The following ERBB4 variants were observed in gnomAD, a reference collection of about 807,000 sequenced individuals.
The protein encoded by ERBB4 is erb-b2 receptor tyrosine kinase 4, also known as receptor tyrosine-protein kinase erbB-4.
ERBB4 carries 42 observed loss-of-function variants against 158.0 expected under a neutral mutation model. The ratio of observed to expected loss-of-function variants is 0.27; its 90% CI spans 0.21 to 0.34. The LOEUF (loss-of-function observed/expected upper bound fraction) is 0.34. ERBB4 is among the 10% of genes least tolerant of loss of function. The pLI is 1.00. For missense variants in ERBB4, 1,333 were observed against 1,624.1 expected (o/e 0.82, Z 3.08); for synonymous variants, 583 against 558.7 (o/e 1.04, Z -0.61).
intron 1 of ERBB4, among the ~76,000 whole-genome samples, chr2:212,482,888 C>T (rs1469635980): frequency 2.0e-5 from 3 of 152,230 alleles, no homozygotes; most frequent in Non-Finnish European, 4.4e-5. Flanking sequence ...TCCCAAAGTG[C>T]TGGGACTACA....
rs1429759796 is a variant in ERBB4 at position 211,399,429 on chromosome 2, C to A, written c.3136-11437G>T. ...AAAAATCTCAGTGACTCCATCAAGC[C>A]AGTTGGATAAGTTTTAAAAGATGTG... On this transcript the variant is annotated intron_variant, in intron 25 of 27. Coordinates refer to ENST00000342788, the MANE Select transcript of ERBB4 (RefSeq NM_005235.3). Among the ~76,000 whole-genome samples the A allele has an allele frequency of 3.3e-5, 5 of 152,148 alleles. No homozygotes were observed. The East Asian group carries it at 9.6e-4, about 29-fold the overall frequency.
intron 1 of ERBB4, among the ~76,000 whole-genome samples, chr2:212,189,388 T>G (rs1186199251): frequency 6.6e-6 from 1 of 152,210 alleles, no homozygotes; most frequent in Non-Finnish European, 1.5e-5. Flanking sequence ...CCATCACTAA[T>G]TATTCCTGGT....
intron 25 of ERBB4, among the ~76,000 whole-genome samples, chr2:211,399,632 T>TTCC (rs1161633178): frequency 6.6e-6 from 1 of 152,042 alleles, no homozygotes; most frequent in Non-Finnish European, 1.5e-5. Flanking sequence ...AATGGCAAAG[T>TTCC]TTTTTAAAAG....
At chr2:212,493,788 T>G (rs972306021) in intron 1 of ERBB4, among the ~76,000 whole-genome samples, 1 of 151,782 alleles carries the variant, frequency 6.6e-6, no homozygotes, top group African/African-American at 2.4e-5. Flanking sequence ...TTACAAAATG[T>G]GATTTTAAGT....
chr2:212,093,870 GA>G (rs1038422387), intron 2 of ERBB4, among the ~76,000 whole-genome samples: 34 of 151,766 alleles, frequency 2.2e-4, no homozygotes, highest in Non-Finnish European at 3.5e-4. Flanking sequence ...TGACACATCA[GA>G]AAAAAATAAG....
At chr2:211,741,996 T>C (rs532840345) in intron 5 of ERBB4, among the ~76,000 whole-genome samples, 119 of 152,324 alleles carry the variant, frequency 7.8e-4, no homozygotes, top group Middle Eastern at 3.4e-3. Flanking sequence ...AATTTTACAA[T>C]ATCTCCAGAA....
chr2:211,989,308 T>C (rs1463309245), intron 2 of ERBB4, among the ~76,000 whole-genome samples: 1 of 151,956 alleles, frequency 6.6e-6, no homozygotes, highest in Non-Finnish European at 1.5e-5. Flanking sequence ...GCATTTGTTA[T>C]TTTCTCCTTC....
intron 5 of ERBB4, among the ~76,000 whole-genome samples, chr2:211,749,270 G>A (rs755033403): frequency 6.6e-6 from 1 of 152,048 alleles, no homozygotes; most frequent in Non-Finnish European, 1.5e-5. Context: ...AAATCCACAT[G>A]TCTATGACCC....
Position 211,562,024 on chromosome 2 carries a change from C to T in ERBB4, c.2366G>A (p.Ser789Asn), listed in dbSNP as rs1340739738. The T allele has an allele frequency of 6.2e-7, 1 of 1,614,106 alleles. No individual in the cohort carries two copies. Among genetic ancestry groups the T allele is most frequent in the Admixed American group, 1.7e-5 (1 of 60,012 alleles). ...HLVRLLGVCL[S>N]PTIQLVTQLM... The stretch of plus-strand genomic sequence containing the variant: ...TTGAGTAACCAGCTGGATGGTTGGG[C>T]TCAGACACACACCCAGCAACCGGAC... Residue 789 changes from serine to asparagine, a missense_variant, in exon 20 of 28, where the codon AGC becomes AAC. Transcript: ENST00000342788.
intron 20 of ERBB4, among the ~76,000 whole-genome samples, chr2:211,475,595 C>T (rs554474655): frequency 1.1e-3 from 166 of 152,062 alleles, no homozygotes; most frequent in African/African-American, 3.8e-3. Flanking sequence ...TACCAACTAC[C>T]GTATAACCTC....
chr2:212,043,234 T>C (rs192509331), intron 2 of ERBB4, among the ~76,000 whole-genome samples: 83 of 152,308 alleles, frequency 5.4e-4, no homozygotes, highest in Admixed American at 4.7e-3. Flanking sequence ...AGTCCTTAAC[T>C]GTGATTTGAT....
chr2:212,384,904 TATATATATATATATATAC>T (rs1305369708), intron 1 of ERBB4, among the ~76,000 whole-genome samples: 1 of 138,748 alleles, frequency 7.2e-6, no homozygotes, highest in Admixed American at 7.2e-5. Context: ...TATATATATA[TATATATATATATATATAC>T]ACACACACAC....
chr2:211,632,751 A>T (rs954820521), intron 16 of ERBB4, among the ~76,000 whole-genome samples: 1 of 152,070 alleles, frequency 6.6e-6, no homozygotes, highest in East Asian at 1.9e-4. Context: ...AATGGTAATC[A>T]AAATAAGACA....
At position 211,667,722 on chromosome 2, in the gene ERBB4, G is replaced by C. The variant is rs142172773; in HGVS notation, c.1717-2245C>G. 1.6e-3 allele frequency among the ~76,000 whole-genome samples: 250 copies of C among 152,196 alleles called. 3 individuals are homozygous for C. The highest frequency in any genetic ancestry group is 5.8e-3 in the African/African-American group (242 of 41,520). Reference sequence around the variant, plus strand: ...ACAATGAGTAAATTAGGCAGAGTCTGAATTAAGAATTAGGAATTATTCTTC... The same window carrying C: ...ACAATGAGTAAATTAGGCAGAGTCTCAATTAAGAATTAGGAATTATTCTTC... On this transcript the variant is annotated intron_variant, in intron 14 of 27. Coordinates refer to ENST00000342788, the MANE Select transcript of ERBB4 (RefSeq NM_005235.3).
At chr2:212,383,425 AC>A (rs2090575946) in intron 1 of ERBB4, among the ~76,000 whole-genome samples, 1 of 151,632 alleles carries the variant, frequency 6.6e-6, no homozygotes, top group African/African-American at 2.4e-5. Context: ...AAGGAAAGAA[AC>A]AAGAGTATCA....
intron 20 of ERBB4, among the ~76,000 whole-genome samples, chr2:211,437,429 T>A (rs1323002332): frequency 6.6e-6 from 1 of 152,214 alleles, no homozygotes. Flanking sequence ...GAACAGAGAA[T>A]GACTTAATTT....
intron 1 of ERBB4, among the ~76,000 whole-genome samples, chr2:212,431,314 A>AAAAAC (rs917691683): frequency 2.0e-5 from 3 of 150,760 alleles, no homozygotes; most frequent in African/African-American, 7.3e-5. Context: ...ATTAAAAAAA[A>AAAAAC]AAAAAAAAAA....
intron 1 of ERBB4, among the ~76,000 whole-genome samples, chr2:212,487,920 C>T (rs896720371): frequency 1.3e-5 from 2 of 152,098 alleles, no homozygotes; most frequent in African/African-American, 4.8e-5. Flanking sequence ...TCAAATTTTT[C>T]ATACTTTGTG....
At chr2:212,089,070 A>G (rs2078697342) in intron 2 of ERBB4, among the ~76,000 whole-genome samples, 1 of 152,182 alleles carries the variant, frequency 6.6e-6, no homozygotes, top group Admixed American at 6.6e-5. Context: ...ATCTGCATGT[A>G]TATTAATTTT....
Sources: allele counts gnomAD v4.1 joint callset (sites outside exome capture counted in the v4.1 genomes callset), GRCh38; gene constraint gnomAD v4.1.1; transcripts MANE v1.5; gene names NCBI Gene and HGNC (gene_info 2026-07-23, HGNC 2026-07-21).